The following ZFHX3 variants were observed in gnomAD, a reference collection of about 807,000 sequenced individuals.
ZFHX3 encodes zinc finger homeobox 3.
Under a neutral mutation model 279.1 loss-of-function variants are expected in ZFHX3, and 42 were observed. That is an observed-to-expected ratio of 0.15 (90% CI 0.12 to 0.19). ZFHX3 has a LOEUF of 0.19. ZFHX3 is among the 10% of genes least tolerant of loss of function. The pLI, the probability that ZFHX3 is intolerant of heterozygous loss-of-function variation, is 1.00. For missense variants in ZFHX3, 4,981 were observed against 4,754.0 expected, an observed-to-expected ratio of 1.05 and a Z score of -1.40; for synonymous variants, 2,293 against 1,957.8, an observed-to-expected ratio of 1.17 and a Z score of -4.52.
At chr16:73,087,459 T>C (rs996277885) in intron 8 of ZFHX3, among the ~76,000 whole-genome samples, 12 of 152,306 alleles carry the variant, frequency 7.9e-5, no homozygotes, top group Admixed American at 7.9e-4. Flanking sequence ...ACAACAGATA[T>C]GTTTTCCCCA....
chr16:73,718,687 C>A (rs1237802601), intron 1 of ZFHX3, among the ~76,000 whole-genome samples: 1 of 151,560 alleles, frequency 6.6e-6, no homozygotes, highest in Non-Finnish European at 1.5e-5. Flanking sequence ...ACAATCTCGG[C>A]TCACTGCAAC....
chr16:72,951,022 G>A, intron 2 of ZFHX3, 57 bp from the exon 3 acceptor site: 3 of 1,570,198 alleles, frequency 1.9e-6, no homozygotes, highest in South Asian at 2.4e-5. Context: ...CACGGCCACA[G>A]CTGAGGCACC....
intron 3 of ZFHX3, among the ~76,000 whole-genome samples, chr16:73,336,084 C>A (rs967669917): frequency 5.9e-5 from 9 of 152,134 alleles, no homozygotes; most frequent in Admixed American, 3.3e-4. Flanking sequence ...GGCTCCCATT[C>A]GTTCTGGGGT....
chr16:72,900,021 G>C (rs2038992923), intron 3 of ZFHX3, among the ~76,000 whole-genome samples: 1 of 150,480 alleles, frequency 6.6e-6, no homozygotes, highest in African/African-American at 2.5e-5. Context: ...CATGGACAGA[G>C]GATACTGAAC....
intron 1 of ZFHX3, among the ~76,000 whole-genome samples, chr16:73,821,444 G>C (rs1000066708): frequency 6.6e-6 from 1 of 152,196 alleles, no homozygotes; most frequent in Non-Finnish European, 1.5e-5. Flanking sequence ...CTGCAACTTA[G>C]CTATGCCTAT....
chr16:73,238,275 A>G (rs1345042619), intron 5 of ZFHX3, among the ~76,000 whole-genome samples: 1 of 152,148 alleles, frequency 6.6e-6, no homozygotes, highest in Non-Finnish European at 1.5e-5. Flanking sequence ...TTCAATGATC[A>G]TCTATAGGCT....
chr16:73,218,841 C>G (rs932849716), intron 5 of ZFHX3, among the ~76,000 whole-genome samples: 1 of 152,152 alleles, frequency 6.6e-6, no homozygotes, highest in Non-Finnish European at 1.5e-5. Context: ...AAGCATATAA[C>G]TCAGTGTCAT....
chr16:72,929,300 G>A (rs1363464465), intron 3 of ZFHX3, among the ~76,000 whole-genome samples: 1 of 151,874 alleles, frequency 6.6e-6, no homozygotes, highest in Non-Finnish European at 1.5e-5. Flanking sequence ...AACTCCACCT[G>A]GATTTTTGAT....
chr16:72,794,582 C>A lies in ZFHX3; in HGVS notation c.8100G>T (p.Gln2700His). ...QNTRARERKG[Q>H]FRAVGPAQAH... is the part of the protein sequence containing the mutation. ...CCTGCGCTGGGCCTACAGCCCGGAA[C>A]TGTCCTTTCCTTTCCCGAGCTCGGG... Residue 2700 changes from glutamine (Q) to histidine (H), a missense_variant, in exon 9 of 10, where the codon CAG becomes CAT. Gln to His is a conservative substitution (Grantham distance 24). This residue lies in a region of ZFHX3 where 744 missense variants were observed against 701.3 expected (regional missense o/e 1.06). Coordinates refer to ENST00000268489, the MANE Select transcript of ZFHX3 (RefSeq NM_006885.4). The surrounding 1 kb of genome is among the most constrained non-coding windows in gnomAD (Gnocchi z 4.2). 6.2e-7 allele frequency: 1 copy of A among 1,614,258 alleles called. No homozygotes were observed. Among genetic ancestry groups the A allele is most frequent in the East Asian group, 2.2e-5 (1 of 44,878 alleles).
intron 1 of ZFHX3, among the ~76,000 whole-genome samples, chr16:73,730,352 CAAA>C (rs66477968): frequency 0.04 from 3,264 of 81,056 alleles, 49 homozygotes; most frequent in African/African-American, 0.066. Context: ...CCTCCCCTCG[CAAA>C]AAAAAAAAAA....
At chr16:73,649,074 T>C (rs1225438685) in intron 2 of ZFHX3, among the ~76,000 whole-genome samples, 3 of 152,196 alleles carry the variant, frequency 2.0e-5, no homozygotes, top group Non-Finnish European at 4.4e-5. Context: ...AGGAACAAAA[T>C]ATCACAATAG....
chr16:73,452,474 C>T (rs576795691), intron 3 of ZFHX3, among the ~76,000 whole-genome samples: 3 of 152,284 alleles, frequency 2.0e-5, no homozygotes, highest in East Asian at 3.9e-4. Context: ...TGCAGGCAGG[C>T]AGTCCTAGGT....
At chr16:73,252,257 G>A (rs554881833) in intron 5 of ZFHX3, among the ~76,000 whole-genome samples, 6 of 152,116 alleles carry the variant, frequency 3.9e-5, no homozygotes, top group Non-Finnish European at 5.9e-5. Context: ...TGAGTATGAG[G>A]GCCTGGAAGA....
chr16:73,128,099 T>A lies in ZFHX3; in HGVS notation c.-897+2869A>T, dbSNP rs570799690. Among the ~76,000 whole-genome samples, 5 of 152,376 alleles carry A rather than the reference T, an allele frequency of 3.3e-5. No individual in the cohort carries two copies. The East Asian group carries it at 9.6e-4, about 29-fold the overall frequency. ...CAATGAATTTTGTGTGAATAAGGAATAAACTTCTATTGTGTCACATCACTT... is the reference window on the plus strand; with the variant it reads ...CAATGAATTTTGTGTGAATAAGGAAAAAACTTCTATTGTGTCACATCACTT... On this transcript the variant is annotated intron_variant, in intron 7 of 17. Coordinates refer to the ZFHX3 transcript ENST00000641206.
chr16:73,261,692 T>TTTTTTTTTTTG (rs61577479), intron 4 of ZFHX3, among the ~76,000 whole-genome samples: 1 of 128,826 alleles, frequency 7.8e-6, no homozygotes. Context: ...TTTTTTTTTT[T>TTTTTTTTTTTG]AGGACAGAGT....
chr16:72,918,962 C>T (rs1299468237), intron 3 of ZFHX3, among the ~76,000 whole-genome samples: 1 of 152,082 alleles, frequency 6.6e-6, no homozygotes, highest in East Asian at 1.9e-4. Context: ...TCCCAAAGTG[C>T]TGGGATTACA....
At chr16:73,563,171 TGTGTGTGTGTGTG>T (rs1222637635) in intron 2 of ZFHX3, among the ~76,000 whole-genome samples, 5 of 2,558 alleles carry the variant, frequency 2.0e-3, no homozygotes, top group Non-Finnish European at 3.2e-3. Context: ...TTTGTTTTGT[TGTGTGTGTGTGTG>T]TGTGTGTGTG....
chr16:73,096,246 A>T (rs551147684), intron 7 of ZFHX3, among the ~76,000 whole-genome samples: 1 of 150,664 alleles, frequency 6.6e-6, no homozygotes, highest in South Asian at 2.1e-4. Flanking sequence ...GCTCCTTATG[A>T]CTCCCAGTGC....
intron 3 of ZFHX3, among the ~76,000 whole-genome samples, chr16:72,938,174 T>G (rs1055298685): frequency 6.6e-6 from 1 of 152,246 alleles, no homozygotes; most frequent in African/African-American, 2.4e-5. Context: ...GAGAGACAGT[T>G]CTGGAAAACC....
Sources: gnomAD v4.1 joint callset for allele counts (sites outside exome capture counted in the v4.1 genomes callset) on GRCh38, gnomAD v4.1.1 for gene constraint, gnomAD v4.1.1 regional missense constraint, Gnocchi (gnomAD v3.1) non-coding constraint, MANE v1.5 for transcripts, NCBI Gene and HGNC (gene_info 2026-07-23, HGNC 2026-07-21) for gene names.